CD8B2: variants seen among roughly 807,000 people sequenced by gnomAD.
CD8B2 encodes T-cell surface glycoprotein CD8 beta-2 chain.
Under a neutral mutation model 23.7 loss-of-function variants are expected in CD8B2, and 11 were observed. That is an observed-to-expected ratio of 0.46 (90% CI 0.29 to 0.77). The LOEUF (loss-of-function observed/expected upper bound fraction) is 0.77. Ranked by LOEUF, CD8B2 falls within the 30% of genes least tolerant of loss-of-function variation. The pLI is 0.09. For synonymous variants in CD8B2, 90 were observed against 109.3 expected, an observed-to-expected ratio of 0.82 and a Z score of 1.10; for missense variants, 197 against 270.5, an observed-to-expected ratio of 0.73 and a Z score of 1.91.
rs184507749 is a variant in CD8B2, at chr2:106,499,605, A to G, written c.494-2869A>G. On this transcript the variant is annotated intron_variant, in intron 3 of 5. Transcript: ENST00000643224. ...CAAAGTTCACCCATTTTAAGCATAC[A>G]AATTCAATGATTTTGGGTAAATTTA... Among the ~76,000 whole-genome samples the G allele has an allele frequency of 5.0e-3, 760 of 152,032 alleles. 1 individual carries two copies. Among genetic ancestry groups the G allele is most frequent in the South Asian group, 9.2e-3 (44 of 4,806 alleles).
intron 5 of CD8B2, among the ~76,000 whole-genome samples, chr2:106,531,801 A>G (rs987852380): frequency 6.6e-6 from 1 of 152,164 alleles, no homozygotes; most frequent in Non-Finnish European, 1.5e-5. Flanking sequence ...CTTTTCCTCA[A>G]GGTCTACATG....
At chr2:106,521,458 A>G (rs959190485) in intron 5 of CD8B2, 6 of 152,196 alleles carry the variant, frequency 3.9e-5, no homozygotes, top group African/African-American at 9.7e-5. Context: ...AGAAAAGAAA[A>G]TGATATGGGG....
chr2:106,500,738 C>G (rs1345061494), intron 3 of CD8B2, among the ~76,000 whole-genome samples: 1 of 152,082 alleles, frequency 6.6e-6, no homozygotes, highest in Non-Finnish European at 1.5e-5. Flanking sequence ...ATGGGCCCTG[C>G]TTTGCCCCTC....
exon 6 of CD8B2, chr2:106,544,172 G>C (rs1208419607): frequency 2.5e-6 from 1 of 397,912 alleles, no homozygotes. Flanking sequence ...TGTCTAGCGA[G>C]GCCATCCTGA....
At chr2:106,506,510 C>A (rs975933724) in intron 5 of CD8B2, among the ~76,000 whole-genome samples, 5 of 151,864 alleles carry the variant, frequency 3.3e-5, no homozygotes, top group African/African-American at 1.2e-4. Flanking sequence ...GTTTTGCTCT[C>A]ATGATCCAGG....
At position 106,508,342 on chromosome 2, in the gene CD8B2, A is replaced by T. The variant is rs930743372; in HGVS notation, c.*1402A>T. Reference sequence around the variant, plus strand: ...CACAGAATGTAAGAAATGTTACAAAAAAAACAGGAAAGGAAAGACGACTCT... The same window carrying T: ...CACAGAATGTAAGAAATGTTACAAATAAAACAGGAAAGGAAAGACGACTCT... On this transcript the variant is annotated 3_prime_UTR_variant, in exon 6 of 6. Transcript: ENST00000643224. 1.3e-5 allele frequency: 2 copies of T among 152,150 alleles called. No individual in the cohort carries two copies. Among genetic ancestry groups the T allele is most frequent in the African/African-American group, 4.8e-5 (2 of 41,416 alleles). The allele number at this position is 152,150 out of a possible 1,614,324, so 9.4% of individuals were successfully genotyped here. A position where few individuals can be genotyped will look rare whatever the true frequency, so the allele number is the denominator to read the frequency against.
rs1239712329 is a variant in CD8B2 at position 106,509,768 on chromosome 2, A to G, written c.*2828A>G. On this transcript the variant is annotated 3_prime_UTR_variant, in exon 6 of 6. Transcript: ENST00000643224. ...AGCTGCTACTACACTCTATAGGGCCATTATGATGAAATATGCCCCCCAAAC... is the reference window on the plus strand; with the variant it reads ...AGCTGCTACTACACTCTATAGGGCCGTTATGATGAAATATGCCCCCCAAAC... The G allele has an allele frequency of 6.6e-6, 1 of 152,224 alleles. No homozygotes were observed. The highest frequency in any genetic ancestry group is 1.5e-5 in the Non-Finnish European group (1 of 68,038). 9.4% of individuals were successfully genotyped at this position (152,224 alleles called of 1,614,324 possible).
At chr2:106,539,359 T>C (rs1258412631) in intron 5 of CD8B2, among the ~76,000 whole-genome samples, 2 of 152,152 alleles carry the variant, frequency 1.3e-5, no homozygotes, top group African/African-American at 2.4e-5. Context: ...TATATATTGG[T>C]CCCAAAAGGC....
At position 106,504,271 on chromosome 2, in the gene CD8B2, C is replaced by T. The variant is rs377171217; in HGVS notation, c.584-18C>T. 2.7e-5 allele frequency: 42 copies of T among 1,556,120 alleles called. No homozygotes were observed. The African/African-American group carries it at 4.2e-4, about 16-fold the overall frequency. On this transcript the variant is annotated intron_variant, in intron 4 of 5. Coordinates refer to ENST00000643224, the MANE Select transcript of CD8B2 (RefSeq NM_001349727.2). ...CCCACAGCCCACACTGACTGGCGCC[C>T]TTGCTTTCCTCTTCCAGGCCGGCGG...
intron 5 of CD8B2, among the ~76,000 whole-genome samples, chr2:106,536,161 A>T (rs922554202): frequency 6.6e-6 from 1 of 151,316 alleles, no homozygotes; most frequent in African/African-American, 2.4e-5. Flanking sequence ...CAGCCTCCTG[A>T]GTAGCTGGGA....
intron 5 of CD8B2, among the ~76,000 whole-genome samples, chr2:106,532,774 T>A (rs1029879133): frequency 6.6e-6 from 1 of 152,236 alleles, no homozygotes; most frequent in Non-Finnish European, 1.5e-5. Context: ...CTCATCGCCA[T>A]CTTGGTTTTT....
intron 5 of CD8B2, among the ~76,000 whole-genome samples, chr2:106,530,465 G>T (rs1373342949): frequency 6.6e-6 from 1 of 152,146 alleles, no homozygotes; most frequent in African/African-American, 2.4e-5. Flanking sequence ...TGCAAGCTCC[G>T]CCTCCCGGGT....
chr2:106,525,538 A>T (rs1679894255), intron 5 of CD8B2, among the ~76,000 whole-genome samples: 1 of 152,194 alleles, frequency 6.6e-6, no homozygotes, highest in South Asian at 2.1e-4. Context: ...GCAGTGATAG[A>T]CTGTGCAGCC....
chr2:106,531,686 GCTCTT>G (rs1679991412), intron 5 of CD8B2, among the ~76,000 whole-genome samples: 1 of 152,108 alleles, frequency 6.6e-6, no homozygotes, highest in South Asian at 2.1e-4. Flanking sequence ...CTGCACCCTG[GCTCTT>G]CTCTTCAGTG....
rs1171497716 is a variant in CD8B2, at chr2:106,528,329, T to C, written c.621-15663T>C. Among the ~76,000 whole-genome samples, 3 of 152,232 alleles carry C rather than the reference T, an allele frequency of 2.0e-5. No individual in the cohort carries two copies. In the East Asian group the frequency reaches 5.8e-4, roughly 29 times the overall value. On this transcript the variant is annotated intron_variant, in intron 5 of 5. Coordinates refer to the CD8B2 transcript ENST00000416057. ...TAAACCAAGATAGTGAAGATCTATG[T>C]ATTCCTCTAAGAGTTTATTTTGTTG...
chr2:106,496,027 G>A (rs1462176335), intron 2 of CD8B2, 146 bp from the exon 3 acceptor site: 28 of 1,359,986 alleles, frequency 2.1e-5, no homozygotes, highest in South Asian at 8.2e-5. Flanking sequence ...TCAACCTCCC[G>A]AGCTCAAATG....
chr2:106,488,665 T>C (rs1679129327), intron 1 of CD8B2, among the ~76,000 whole-genome samples: 1 of 152,218 alleles, frequency 6.6e-6, no homozygotes, highest in African/African-American at 2.4e-5. Context: ...TCCCACAAGC[T>C]GGGTTTTAAT....
chr2:106,515,010 T>G (rs4676043), downstream of CD8B2, among the ~76,000 whole-genome samples: 150,009 of 152,322 alleles, frequency 0.98, 73,898 homozygotes, highest in East Asian at 1. Context: ...GCTGGAATAA[T>G]CGAGCGCTAC....
chr2:106,493,575 A>T (rs1352520738), intron 2 of CD8B2, among the ~76,000 whole-genome samples: 1 of 152,058 alleles, frequency 6.6e-6, no homozygotes, highest in Non-Finnish European at 1.5e-5. Context: ...GGATTGAAGG[A>T]GGCAACACTC....
Sources: gnomAD v4.1 joint callset for allele counts (sites outside exome capture counted in the v4.1 genomes callset) on GRCh38, gnomAD v4.1.1 for gene constraint, MANE v1.5 for transcripts, NCBI Gene and HGNC (gene_info 2026-07-23, HGNC 2026-07-21) for gene names.